Variants in CACNG7 observed in about 807,000 individuals in gnomAD.
CACNG7 encodes voltage-dependent calcium channel gamma-7 subunit.
CACNG7 carries 9 observed loss-of-function variants against 26.3 expected under a neutral mutation model. The ratio of observed to expected loss-of-function variants is 0.34; its 90% CI spans 0.21 to 0.60. The LOEUF (loss-of-function observed/expected upper bound fraction) is 0.60, where lower values mean the gene tolerates loss of function less well. Among genes scored for constraint, CACNG7 ranks in the 20% least tolerant of loss-of-function variants. The pLI is 0.81. For missense variants in CACNG7, 297 were observed against 380.4 expected (o/e 0.78, Z 1.82); for synonymous variants, 170 against 157.0 (o/e 1.08, Z -0.62).
At chr19:53,921,873 T>C (rs138330971) in intron 4 of CACNG7, among the ~76,000 whole-genome samples, 3 of 67,756 alleles carry the variant, frequency 4.4e-5, no homozygotes, top group Non-Finnish European at 8.0e-5. Flanking sequence ...ATTGGTGGAG[T>C]TGTCCCAGGC....
intron 4 of CACNG7, among the ~76,000 whole-genome samples, chr19:53,928,777 C>T (rs372327114): frequency 3.3e-5 from 5 of 152,068 alleles, no homozygotes; most frequent in East Asian, 1.9e-4. Flanking sequence ...GTTTCAGAAA[C>T]GGAGATGAGG....
At chr19:53,929,065 C>T (rs555499633) in intron 4 of CACNG7, among the ~76,000 whole-genome samples, 42 of 135,470 alleles carry the variant, frequency 3.1e-4, no homozygotes, top group Admixed American at 2.7e-3. Context: ...GCTGAGATGG[C>T]GCCATTACAC....
At chr19:53,915,531 G>T in intron 4 of CACNG7, 26 bp downstream of exon 4, 2 of 1,612,282 alleles carry the variant, frequency 1.2e-6, no homozygotes, top group Non-Finnish European at 1.7e-6. Flanking sequence ...TGGGGGTTGG[G>T]GGGGACCATT....
intron 4 of CACNG7, among the ~76,000 whole-genome samples, chr19:53,923,585 G>T (rs1160581835): frequency 1.6e-5 from 2 of 124,694 alleles, no homozygotes; most frequent in African/African-American, 3.0e-5. Flanking sequence ...GTCCCAGGCT[G>T]GTCATTGGTG....
chr19:53,941,456 C>G lies in CACNG7; in HGVS notation c.425-14C>G. On this transcript the variant is annotated splice_polypyrimidine_tract_variant and intron_variant, in intron 4 of 5. Transcript: ENST00000391767. ...CACTTCTAATGGACGAGGGCACCCC[C>G]TCTGCTCCCCTAGGCCTCTCCTTGG... 1 of 1,523,704 alleles carries G rather than the reference C, an allele frequency of 6.6e-7. No individual in the cohort carries two copies. The highest frequency in any genetic ancestry group is 1.3e-5 in the South Asian group (1 of 75,808). The allele number at this position is 1,523,704 out of a possible 1,614,324, so 94.4% of individuals were successfully genotyped here. A position where few individuals can be genotyped will look rare whatever the true frequency, so the allele number is the denominator to read the frequency against.
chr19:53,935,293 ATTTAAATT>A (rs1360750749), intron 4 of CACNG7, among the ~76,000 whole-genome samples: 1 of 151,588 alleles, frequency 6.6e-6, no homozygotes, highest in Non-Finnish European at 1.5e-5. Context: ...CTAGTCCTAC[ATTTAAATT>A]TCACCAATGT....
At chr19:53,922,554 C>T (rs1417463018) in intron 4 of CACNG7, among the ~76,000 whole-genome samples, 25 of 72,484 alleles carry the variant, frequency 3.4e-4, no homozygotes, top group Non-Finnish European at 4.0e-4. Flanking sequence ...GGTGGAGTTG[C>T]CCCAGGTCTG....
At chr19:53,927,102 TAG>T (rs1023541343) in intron 4 of CACNG7, among the ~76,000 whole-genome samples, 20 of 152,122 alleles carry the variant, frequency 1.3e-4, no homozygotes, top group African/African-American at 4.6e-4. Flanking sequence ...GTATTTTTAG[TAG>T]AGACGGGATT....
At chr19:53,924,530 CAGGTCTGGTATTGGTGGAGTTGTCCG>C (rs1434815446) in intron 4 of CACNG7, among the ~76,000 whole-genome samples, 4 of 144,760 alleles carry the variant, frequency 2.8e-5, no homozygotes, top group Non-Finnish European at 6.0e-5. Flanking sequence ...GGAGTTGCCC[CAGGTCTGGTATTGGTGGAGTTGTCCG>C]AGGTCTGGTA....
At chr19:53,935,634 CTTTTTTTT>C (rs59884893) in intron 4 of CACNG7, among the ~76,000 whole-genome samples, 5 of 42,254 alleles carry the variant, frequency 1.2e-4, no homozygotes, top group Non-Finnish European at 1.5e-4. Context: ...CCAATACTGT[CTTTTTTTT>C]TTTTTTTTTT....
At chr19:53,914,064 A>C (rs138372450) in intron 2 of CACNG7, among the ~76,000 whole-genome samples, 1 of 152,146 alleles carries the variant, frequency 6.6e-6, no homozygotes, top group East Asian at 1.9e-4. Context: ...TCACAAGGTC[A>C]GGAGTTTGAG....
At chr19:53,929,585 TA>T (rs2069057586) in intron 4 of CACNG7, among the ~76,000 whole-genome samples, 1 of 151,944 alleles carries the variant, frequency 6.6e-6, no homozygotes, top group Non-Finnish European at 1.5e-5. Flanking sequence ...GCCTCCCGAG[TA>T]GCTGGGATTA....
At chr19:53,914,354 C>T in intron 2 of CACNG7, 146 bp from the exon 3 acceptor site, 1 of 610,034 alleles carries the variant, frequency 1.6e-6, no homozygotes, top group Non-Finnish European at 3.0e-6. Flanking sequence ...TTCCCAACAC[C>T]CCTGGAGTAG....
chr19:53,915,387 C>A lies in CACNG7; in HGVS notation c.306C>A (p.Pro102=), dbSNP rs756341554. Reference sequence around the variant, plus strand: ...CAGAGACAGTGCGCACGGCCACCCCCTTCCCCATGGTCAGCCTCTTCCTCG... The same window carrying A: ...CAGAGACAGTGCGCACGGCCACCCCATTCCCCATGGTCAGCCTCTTCCTCG... The part of the protein sequence containing the change: ...NILKTVRTAT[P]FPMVSLFLVF... The change falls in exon 4 of 6, where the codon CCC becomes CCA. Residue 102 remains proline (P), a synonymous_variant. Transcript: ENST00000391767. 1 of 1,614,094 alleles carries A rather than the reference C, an allele frequency of 6.2e-7. No homozygotes were observed. The highest frequency in any genetic ancestry group is 8.5e-7 in the Non-Finnish European group (1 of 1,179,970).
At chr19:53,923,823 GGTCTGGTCATTGGTGGAGTT>G (rs2068992018) in intron 4 of CACNG7, among the ~76,000 whole-genome samples, 1 of 113,798 alleles carries the variant, frequency 8.8e-6, no homozygotes, top group Non-Finnish European at 1.7e-5. Flanking sequence ...AGTTGCCCCA[GGTCTGGTCATTGGTGGAGTT>G]GCCCCAGGCC....
Position 53,909,758 on chromosome 19 carries a change from G to A in CACNG7, c.-30+241G>A, listed in dbSNP as rs1333269564. Among the ~76,000 whole-genome samples, 1 of 152,120 alleles carries A rather than the reference G, an allele frequency of 6.6e-6. No individual in the cohort carries two copies. Among genetic ancestry groups the A allele is most frequent in the Non-Finnish European group, 1.5e-5 (1 of 68,010 alleles). On this transcript the variant is annotated intron_variant, in intron 1 of 5. Transcript: ENST00000391767. This position sits in a 1 kb window ranked among gnomAD's most constrained non-coding sequence, Gnocchi z 5.1. ...ACTCCTCGCGTCCGAGTCGCAGCGAGCGTGGGCTGGGGAGGGCAGAGGCCG... is the reference window on the plus strand; with the variant it reads ...ACTCCTCGCGTCCGAGTCGCAGCGAACGTGGGCTGGGGAGGGCAGAGGCCG...
At chr19:53,923,519 T>C (rs1393201741) in intron 4 of CACNG7, among the ~76,000 whole-genome samples, 6 of 115,762 alleles carry the variant, frequency 5.2e-5, no homozygotes, top group Non-Finnish European at 1.1e-4. Flanking sequence ...ATTGGTGGAG[T>C]TGCCCCAGGT....
intron 4 of CACNG7, among the ~76,000 whole-genome samples, chr19:53,921,604 C>T (rs866950565): frequency 4.1e-3 from 194 of 46,818 alleles, no homozygotes; most frequent in South Asian, 5.4e-3. Flanking sequence ...TTGGTGGAGT[C>T]GTCCCCAGGT....
chr19:53,919,605 A>G (rs2068923388), intron 4 of CACNG7, among the ~76,000 whole-genome samples: 1 of 114,668 alleles, frequency 8.7e-6, no homozygotes. Context: ...TCATTGGTGG[A>G]GTTGCCCCAG....
Sources: allele counts gnomAD v4.1 joint callset (sites outside exome capture counted in the v4.1 genomes callset), GRCh38; gene constraint gnomAD v4.1.1; non-coding constraint Gnocchi (gnomAD v3.1); transcripts MANE v1.5; gene names NCBI Gene and HGNC (gene_info 2026-07-23, HGNC 2026-07-21).